The following PDE4B variants were observed in gnomAD, a reference collection of about 807,000 sequenced individuals.
PDE4B encodes the protein 3',5'-cyclic-AMP phosphodiesterase 4B.
Under a neutral mutation model 82.2 loss-of-function variants are expected in PDE4B, and 20 were observed. That is an observed-to-expected ratio of 0.24 (90% confidence interval 0.17 to 0.35). The LOEUF is 0.35. Among genes scored for constraint, PDE4B ranks in the 10% least tolerant of loss-of-function variants. The pLI is 1.00. For synonymous variants in PDE4B, 320 were observed against 318.9 expected, an observed-to-expected ratio of 1.00 and a Z score of -0.04; for missense variants, 655 against 907.2, an observed-to-expected ratio of 0.72 and a Z score of 3.57.
chr1:65,973,472 TTGAATGTACAA>T (rs1487410973), intron 3 of PDE4B, among the ~76,000 whole-genome samples: 1 of 152,192 alleles, frequency 6.6e-6, no homozygotes, highest in Non-Finnish European at 1.5e-5. Context: ...AAGAGTTTCT[TTGAATGTACAA>T]TGGGAGATGA....
intron 7 of PDE4B, among the ~76,000 whole-genome samples, chr1:66,300,359 G>C (rs1267571891): frequency 6.6e-6 from 1 of 152,020 alleles, no homozygotes; most frequent in African/African-American, 2.4e-5. Context: ...ACTTCTCCTT[G>C]CCCACCAAGG....
At chr1:66,184,235 A>T (rs1647132492) in intron 3 of PDE4B, among the ~76,000 whole-genome samples, 1 of 152,182 alleles carries the variant, frequency 6.6e-6, no homozygotes, top group Non-Finnish European at 1.5e-5. Context: ...AGTGTAAGGT[A>T]CATGAGAGAA....
At chr1:66,320,475 T>A (rs1659322079) in intron 7 of PDE4B, among the ~76,000 whole-genome samples, 1 of 152,144 alleles carries the variant, frequency 6.6e-6, no homozygotes, top group Non-Finnish European at 1.5e-5. Flanking sequence ...TAACACTGAA[T>A]AAATCAGTAA....
chr1:65,807,326 A>C (rs1460327217), intron 1 of PDE4B, among the ~76,000 whole-genome samples: 19 of 152,238 alleles, frequency 1.2e-4, no homozygotes, highest in Non-Finnish European at 2.6e-4. Context: ...ATTGAGTAAA[A>C]AAATCGATTT....
intron 3 of PDE4B, among the ~76,000 whole-genome samples, chr1:65,942,835 T>C (rs1252012346): frequency 1.3e-5 from 2 of 152,016 alleles, no homozygotes; most frequent in Non-Finnish European, 2.9e-5. Flanking sequence ...TTTTGAGAAA[T>C]GTCTATTCAG....
At chr1:66,043,844 T>C (rs1397680400) in intron 3 of PDE4B, among the ~76,000 whole-genome samples, 1 of 151,702 alleles carries the variant, frequency 6.6e-6, no homozygotes, top group Non-Finnish European at 1.5e-5. Flanking sequence ...AATTTTGTTT[T>C]TCTTTTGAAA....
At chr1:66,077,223 T>C (rs183491835) in intron 3 of PDE4B, among the ~76,000 whole-genome samples, 1 of 152,290 alleles carries the variant, frequency 6.6e-6, no homozygotes. Context: ...TTCATTCTTC[T>C]AGGTCTGATT....
At chr1:65,946,254 G>A (rs184519644) in intron 3 of PDE4B, among the ~76,000 whole-genome samples, 23 of 152,050 alleles carry the variant, frequency 1.5e-4, no homozygotes, top group African/African-American at 5.5e-4. Flanking sequence ...TTGACCCTGG[G>A]CACATCCTAT....
At chr1:65,833,451 T>C (rs1002096974) in intron 1 of PDE4B, among the ~76,000 whole-genome samples, 6 of 152,178 alleles carry the variant, frequency 3.9e-5, no homozygotes, top group African/African-American at 1.2e-4. Flanking sequence ...TATAGGAAGA[T>C]AGATTTTTAG....
chr1:66,186,610 G>A (rs1203792123), intron 3 of PDE4B, among the ~76,000 whole-genome samples: 1 of 152,184 alleles, frequency 6.6e-6, no homozygotes, highest in Non-Finnish European at 1.5e-5. Context: ...GTGAATGGGA[G>A]TTCAGTCATG....
chr1:66,201,744 T>G (rs1648978950), intron 3 of PDE4B, among the ~76,000 whole-genome samples: 1 of 152,034 alleles, frequency 6.6e-6, no homozygotes, highest in African/African-American at 2.4e-5. Context: ...CTTTTCTTCT[T>G]TATTAGTCTT....
intron 1 of PDE4B, among the ~76,000 whole-genome samples, chr1:65,905,745 G>A (rs1003317729): frequency 6.6e-6 from 1 of 152,006 alleles, no homozygotes; most frequent in Admixed American, 6.6e-5. Context: ...TGCCCATAGA[G>A]GTGGCTTCAC....
At position 65,851,125 on chromosome 1, in the gene PDE4B, C is replaced by T. The variant is rs144052198; in HGVS notation, c.-71+57877C>T. Among the ~76,000 whole-genome samples, 377 of 152,080 alleles carry T rather than the reference C, an allele frequency of 2.5e-3. 2 individuals carry two copies. The highest frequency in any genetic ancestry group is 8.7e-3 in the African/African-American group (360 of 41,522). ...TAGATGCTGTCAAAAATCAATAGGC[C>T]GAATACGCTTGATATGTTTCTGGAT... is the stretch of plus-strand genomic sequence containing the variant. On this transcript the variant is annotated intron_variant, in intron 1 of 16. Coordinates refer to ENST00000341517, the MANE Select transcript of PDE4B (RefSeq NM_002600.4).
intron 3 of PDE4B, among the ~76,000 whole-genome samples, chr1:66,198,050 C>T (rs1206085515): frequency 6.6e-6 from 1 of 152,116 alleles, no homozygotes; most frequent in Non-Finnish European, 1.5e-5. Flanking sequence ...CAAGTAAGTA[C>T]TCAGTTGCAA....
intron 3 of PDE4B, among the ~76,000 whole-genome samples, chr1:66,080,312 A>G (rs563561631): frequency 1.3e-5 from 2 of 152,268 alleles, no homozygotes; most frequent in African/African-American, 4.8e-5. Context: ...ACATGCCTGT[A>G]ATGTAAGTTG....
intron 1 of PDE4B, among the ~76,000 whole-genome samples, chr1:65,837,298 A>C (rs1273392687): frequency 6.6e-6 from 1 of 152,160 alleles, no homozygotes; most frequent in Non-Finnish European, 1.5e-5. Flanking sequence ...AGGGATAAAG[A>C]TACTACCTAC....
intron 1 of PDE4B, among the ~76,000 whole-genome samples, chr1:65,883,847 T>C (rs1000831199): frequency 1.3e-5 from 2 of 152,198 alleles, no homozygotes; most frequent in African/African-American, 4.8e-5. Flanking sequence ...ACCTAATTTA[T>C]TGAGAGTTTT....
At chr1:65,874,211 C>G (rs1321808631) in intron 1 of PDE4B, among the ~76,000 whole-genome samples, 1 of 151,238 alleles carries the variant, frequency 6.6e-6, no homozygotes, top group Admixed American at 6.6e-5. Flanking sequence ...TGATTTGGCT[C>G]TCTGTTTGTC....
intron 1 of PDE4B, among the ~76,000 whole-genome samples, chr1:65,904,996 C>G (rs1647013772): frequency 6.6e-6 from 1 of 152,108 alleles, no homozygotes; most frequent in Non-Finnish European, 1.5e-5. Context: ...CTGCCCCCTC[C>G]TATCTGCTGC....
Sources: gnomAD v4.1 joint callset for allele counts (sites outside exome capture counted in the v4.1 genomes callset) on GRCh38, gnomAD v4.1.1 for gene constraint, MANE v1.5 for transcripts, NCBI Gene and HGNC (gene_info 2026-07-23, HGNC 2026-07-21) for gene names.